The following SUGCT variants were observed in gnomAD, a reference collection of about 807,000 sequenced individuals.
SUGCT encodes succinyl-CoA:glutarate CoA-transferase.
In SUGCT, 41 loss-of-function variants were observed where a neutral mutation model predicts 55.0. The observed-to-expected ratio is 0.74, with a 90% CI of 0.58 to 0.97. The LOEUF is 0.97. Ranked by LOEUF, SUGCT falls within the 50% of genes least tolerant of loss-of-function variation. The pLI is 0.00. For missense variants in SUGCT, 568 were observed against 547.8 expected (o/e 1.04, Z -0.37); for synonymous variants, 187 against 200.4 (o/e 0.93, Z 0.56).
chr7:40,171,013 T>A lies in SUGCT; in HGVS notation c.101-9934T>A, dbSNP rs377379271. 6.0e-4 allele frequency among the ~76,000 whole-genome samples: 92 copies of A among 152,314 alleles called. 2 individuals carry two copies. The South Asian group carries it at 0.018, about 29-fold the overall frequency. On this transcript the variant is annotated intron_variant, in intron 1 of 13. Transcript: ENST00000335693. ...ATTTCATAACAACCCAGCTGCCCCATCAAGATGCAACAGTTCTTATGCAAA... is the reference window on the plus strand; with the variant it reads ...ATTTCATAACAACCCAGCTGCCCCAACAAGATGCAACAGTTCTTATGCAAA...
At chr7:40,367,543 T>G (rs1239442688) in intron 9 of SUGCT, among the ~76,000 whole-genome samples, 1 of 152,054 alleles carries the variant, frequency 6.6e-6, no homozygotes, top group East Asian at 1.9e-4. Context: ...AAAAAACACT[T>G]AATTTTTTTT....
At chr7:40,924,265 C>CGTGTGTGTGTGT in the SUGCT span, among the ~76,000 whole-genome samples, 9,784 of 135,940 alleles carry the variant, frequency 0.072, 1,050 homozygotes, top group African/African-American at 0.23. Flanking sequence ...CTTTCAATTA[C>CGTGTGTGTGTGT]GTGTGTGTGT....
intron 12 of SUGCT, among the ~76,000 whole-genome samples, chr7:40,645,263 A>G (rs1465081486): frequency 6.6e-6 from 1 of 152,184 alleles, no homozygotes; most frequent in African/African-American, 2.4e-5. Flanking sequence ...AGGAGATCAG[A>G]GCCTCATTGT....
chr7:40,535,299 C>A (rs559815244), intron 12 of SUGCT, among the ~76,000 whole-genome samples: 2 of 152,250 alleles, frequency 1.3e-5, no homozygotes, highest in African/African-American at 2.4e-5. Context: ...GTTGGTCAAC[C>A]CTTGTTCCCC....
intron 9 of SUGCT, among the ~76,000 whole-genome samples, chr7:40,383,267 G>T (rs1305661890): frequency 2.0e-5 from 3 of 151,968 alleles, no homozygotes; most frequent in Non-Finnish European, 4.4e-5. Context: ...TGAGAGATTT[G>T]CTCTAATTCA....
downstream of SUGCT, among the ~76,000 whole-genome samples, chr7:40,862,009 G>T (rs1431538591): frequency 6.6e-6 from 1 of 152,214 alleles, no homozygotes; most frequent in African/African-American, 2.4e-5. Flanking sequence ...AATGGTAAAA[G>T]ATTAGATGGC....
chr7:40,363,055 C>T (rs945141056), intron 9 of SUGCT, among the ~76,000 whole-genome samples: 48 of 152,130 alleles, frequency 3.2e-4, no homozygotes, highest in Admixed American at 6.6e-5. Flanking sequence ...GTGTATGTGT[C>T]GAGGAATTTA....
At chr7:40,297,192 C>T (rs780397074) in intron 8 of SUGCT, among the ~76,000 whole-genome samples, 3 of 152,090 alleles carry the variant, frequency 2.0e-5, no homozygotes, top group Non-Finnish European at 2.9e-5. Context: ...TTACTACATT[C>T]CTTAGCCATG....
intron 13 of SUGCT, among the ~76,000 whole-genome samples, chr7:40,789,296 C>T (rs1182633676): frequency 2.0e-5 from 3 of 152,120 alleles, no homozygotes; most frequent in Non-Finnish European, 2.9e-5. Flanking sequence ...TGGTAACCAC[C>T]ATTCTACTCT....
At chr7:40,770,980 A>G (rs1789070357) in intron 13 of SUGCT, among the ~76,000 whole-genome samples, 1 of 152,218 alleles carries the variant, frequency 6.6e-6, no homozygotes, top group Non-Finnish European at 1.5e-5. Flanking sequence ...TTTATAGTGA[A>G]TGAATGAACT....
chr7:40,455,168 G>A (rs772464914), intron 10 of SUGCT, among the ~76,000 whole-genome samples: 8 of 152,080 alleles, frequency 5.3e-5, no homozygotes, highest in African/African-American at 1.2e-4. Flanking sequence ...ACTACAATGC[G>A]AAAAGTATAT....
the SUGCT span, among the ~76,000 whole-genome samples, chr7:41,033,413 T>C: frequency 6.6e-6 from 1 of 152,216 alleles, no homozygotes; most frequent in Non-Finnish European, 1.5e-5. Flanking sequence ...CAGAGGTAGC[T>C]GTCAAAAACT....
intron 12 of SUGCT, among the ~76,000 whole-genome samples, chr7:40,711,477 G>A (rs1183937767): frequency 6.6e-6 from 1 of 152,104 alleles, no homozygotes; most frequent in East Asian, 1.9e-4. Flanking sequence ...ACTCCAGCCT[G>A]TGTGACAGAG....
chr7:40,562,617 G>A (rs1235944050), intron 12 of SUGCT, among the ~76,000 whole-genome samples: 1 of 152,162 alleles, frequency 6.6e-6, no homozygotes, highest in Admixed American at 6.5e-5. Flanking sequence ...GAAGACAAAG[G>A]TATTAATTAT....
intron 11 of SUGCT, among the ~76,000 whole-genome samples, chr7:40,471,949 A>G (rs759623196): frequency 9.2e-5 from 14 of 152,154 alleles, no homozygotes; most frequent in Non-Finnish European, 1.5e-4. Flanking sequence ...TTCATGTATG[A>G]AAAGTATTGT....
the SUGCT span, among the ~76,000 whole-genome samples, chr7:40,977,054 C>T: frequency 3.3e-5 from 5 of 152,264 alleles, no homozygotes; most frequent in Non-Finnish European, 5.9e-5. Flanking sequence ...CAGGCTGATC[C>T]CTTTCAGAAA....
intron 3 of SUGCT, among the ~76,000 whole-genome samples, chr7:40,187,975 A>G (rs1450254067): frequency 6.9e-6 from 1 of 145,790 alleles, no homozygotes; most frequent in Admixed American, 6.8e-5. Context: ...GATGAGCCTG[A>G]CCAATATGGT....
chr7:40,588,880 T>C (rs1272994287), intron 12 of SUGCT, among the ~76,000 whole-genome samples: 1 of 152,238 alleles, frequency 6.6e-6, no homozygotes, highest in African/African-American at 2.4e-5. Flanking sequence ...ATCTGTCATT[T>C]GCTTGCCATT....
At chr7:40,259,314 A>G (rs1397372619) in intron 7 of SUGCT, among the ~76,000 whole-genome samples, 2 of 152,166 alleles carry the variant, frequency 1.3e-5, no homozygotes, top group Admixed American at 1.3e-4. Context: ...GCCCACTTAC[A>G]TGTGGAGTTT....
Sources: gnomAD v4.1 joint callset for allele counts (sites outside exome capture counted in the v4.1 genomes callset) on GRCh38, gnomAD v4.1.1 for gene constraint, MANE v1.5 for transcripts, NCBI Gene and HGNC (gene_info 2026-07-23, HGNC 2026-07-21) for gene names.